The following FTO variants were observed in gnomAD, a reference collection of about 807,000 sequenced individuals.
FTO encodes the protein FTO alpha-ketoglutarate dependent dioxygenase, also known as alpha-ketoglutarate-dependent dioxygenase FTO.
FTO carries 47 observed loss-of-function variants against 63.9 expected under a neutral mutation model. The ratio of observed to expected loss-of-function variants is 0.74; its 90% CI spans 0.58 to 0.94. The LOEUF (loss-of-function observed/expected upper bound fraction) is 0.94. Among genes scored for constraint, FTO ranks in the 40% least tolerant of loss-of-function variants. The pLI is 0.00. For missense variants in FTO, 562 were observed against 618.1 expected, an observed-to-expected ratio of 0.91 and a Z score of 0.96; for synonymous variants, 207 against 224.4, an observed-to-expected ratio of 0.92 and a Z score of 0.69.
chr16:53,763,303 A>G (rs2077116664), intron 1 of FTO, among the ~76,000 whole-genome samples: 1 of 152,204 alleles, frequency 6.6e-6, no homozygotes, highest in East Asian at 1.9e-4. Context: ...ATCTAACATT[A>G]TTAAAAGTAA....
At chr16:54,015,293 G>A (rs17227068) in intron 8 of FTO, among the ~76,000 whole-genome samples, 9,992 of 152,238 alleles carry the variant, frequency 0.066, 436 homozygotes, top group South Asian at 0.14. Flanking sequence ...TCAACATTAC[G>A]TCACCACAAG....
chr16:54,026,100 T>G (rs1280112930), intron 8 of FTO, among the ~76,000 whole-genome samples: 1 of 152,250 alleles, frequency 6.6e-6, no homozygotes, highest in Non-Finnish European at 1.5e-5. Context: ...TGGCTCATGT[T>G]TGGCTGCAAA....
chr16:53,837,103 T>C (rs990730480), intron 3 of FTO, among the ~76,000 whole-genome samples: 4 of 152,348 alleles, frequency 2.6e-5, no homozygotes, highest in African/African-American at 9.6e-5. Flanking sequence ...GAGAAGTATC[T>C]CTGCTTCCTT....
chr16:54,101,393 G>T (rs924356224), intron 8 of FTO, among the ~76,000 whole-genome samples: 1 of 152,232 alleles, frequency 6.6e-6, no homozygotes, highest in Admixed American at 6.5e-5. Flanking sequence ...TTGTTCCAGG[G>T]TTAGTTTGCT....
At chr16:53,977,184 A>C (rs1304150623) in intron 8 of FTO, among the ~76,000 whole-genome samples, 1 of 152,024 alleles carries the variant, frequency 6.6e-6, no homozygotes, top group African/African-American at 2.4e-5. Flanking sequence ...AATTCTCTTT[A>C]ATGGTTGTTG....
At chr16:54,073,976 A>C (rs76202990) in intron 8 of FTO, among the ~76,000 whole-genome samples, 1,784 of 152,186 alleles carry the variant, frequency 0.012, 32 homozygotes, top group African/African-American at 0.039. Flanking sequence ...TTCCCTTGGC[A>C]CTAAATGTTA....
intron 4 of FTO, among the ~76,000 whole-genome samples, chr16:53,870,243 G>A (rs930216748): frequency 5.6e-4 from 85 of 151,826 alleles, no homozygotes; most frequent in African/African-American, 1.9e-3. Flanking sequence ...AAATAAAGTC[G>A]CTATTTTTTC....
At chr16:54,051,538 C>T (rs1352161162) in intron 8 of FTO, among the ~76,000 whole-genome samples, 1 of 152,198 alleles carries the variant, frequency 6.6e-6, no homozygotes, top group African/African-American at 2.4e-5. Flanking sequence ...GTCTTCAAAT[C>T]TACATGGCAT....
intron 8 of FTO, among the ~76,000 whole-genome samples, chr16:54,029,762 C>T (rs1660551977): frequency 1.3e-5 from 2 of 152,186 alleles, no homozygotes. Context: ...TACTGAACTA[C>T]AAGATTAGCT....
At position 53,879,953 on chromosome 16, in the gene FTO, C is replaced by A; in HGVS notation, c.1085C>A (p.Ala362Glu). The A allele has an allele frequency of 6.2e-7, 1 of 1,613,494 alleles. No homozygotes were observed. The change falls in exon 6 of 9, where the codon GCA becomes GAA. Residue 362 changes from alanine to glutamate, a missense_variant. Coordinates refer to ENST00000471389, the MANE Select transcript of FTO (RefSeq NM_001080432.3). ...GTCTCTTTGAAATCCTTTGAGCCTG[C>A]AGTTTTGAAACAAGGAGAAGAAATT... ...DDVSLKSFEPAVLKQGEEIHN... is the reference protein window; with the variant it reads ...DDVSLKSFEPEVLKQGEEIHN...
intron 8 of FTO, among the ~76,000 whole-genome samples, chr16:53,960,393 G>A (rs1015304105): frequency 1.3e-5 from 2 of 152,310 alleles, no homozygotes; most frequent in East Asian, 1.9e-4. Context: ...CAATGGTATC[G>A]TTGGAGCTGC....
intron 8 of FTO, among the ~76,000 whole-genome samples, chr16:54,057,557 A>T (rs2144365477): frequency 6.6e-6 from 1 of 151,972 alleles, no homozygotes; most frequent in South Asian, 2.1e-4. Context: ...TCTGCCACCC[A>T]GGTTCAAGTT....
intron 8 of FTO, among the ~76,000 whole-genome samples, chr16:54,035,727 C>T (rs1383531734): frequency 2.6e-5 from 4 of 152,084 alleles, no homozygotes; most frequent in South Asian, 2.1e-4. Context: ...GGGAAAGTTT[C>T]GATACTGACA....
intron 8 of FTO, among the ~76,000 whole-genome samples, chr16:54,017,553 T>A (rs114050165): frequency 9.2e-5 from 14 of 152,316 alleles, no homozygotes; most frequent in African/African-American, 3.4e-4. Flanking sequence ...AACACTTGAA[T>A]CAAAGCACTT....
At chr16:54,014,380 C>T (rs942160493) in intron 8 of FTO, among the ~76,000 whole-genome samples, 1 of 151,964 alleles carries the variant, frequency 6.6e-6, no homozygotes, top group Non-Finnish European at 1.5e-5. Context: ...TTGAAAAGAG[C>T]CTGGCACCTT....
chr16:54,028,693 G>A (rs536091966), intron 8 of FTO, among the ~76,000 whole-genome samples: 2 of 152,250 alleles, frequency 1.3e-5, no homozygotes, highest in South Asian at 4.2e-4. Flanking sequence ...AGCTAGTGAT[G>A]TAGATTGGTA....
At chr16:54,009,373 C>T (rs375206948) in intron 8 of FTO, among the ~76,000 whole-genome samples, 4 of 152,012 alleles carry the variant, frequency 2.6e-5, no homozygotes, top group South Asian at 2.1e-4. Flanking sequence ...ACTTATTTTC[C>T]GTTCATCAAA....
chr16:53,744,826 C>CT (rs999648673), intron 1 of FTO, among the ~76,000 whole-genome samples: 2 of 61,622 alleles, frequency 3.2e-5, no homozygotes, highest in Admixed American at 1.3e-4. Context: ...GACTTTTCTT[C>CT]CCCCCCCCCA....
upstream of FTO, chr16:53,704,095 C>A: frequency 1.6e-6 from 2 of 1,288,682 alleles, no homozygotes; most frequent in Non-Finnish European, 2.2e-6. Flanking sequence ...CAGACGGGAG[C>A]AGGACGCTGA....
Sources: allele counts gnomAD v4.1 joint callset (sites outside exome capture counted in the v4.1 genomes callset), GRCh38; gene constraint gnomAD v4.1.1; transcripts MANE v1.5; gene names NCBI Gene and HGNC (gene_info 2026-07-23, HGNC 2026-07-21).